Variants in MOB2 observed in about 807,000 individuals in gnomAD.
MOB2 encodes MOB2 Mps One Binder homolog.
A neutral mutation model predicts 27.4 loss-of-function variants in MOB2; 14 were observed. The observed-to-expected ratio is 0.51, with a 90% CI of 0.34 to 0.80. MOB2 has a LOEUF of 0.80. Ranked by LOEUF, MOB2 falls within the 30% of genes least tolerant of loss-of-function variation. The pLI, the probability that MOB2 is intolerant of heterozygous loss-of-function variation, is 0.01. For synonymous variants in MOB2, 167 were observed against 151.8 expected (o/e 1.10, Z -0.74); for missense variants, 304 against 354.6 (o/e 0.86, Z 1.15).
intron 1 of MOB2, among the ~76,000 whole-genome samples, chr11:1,484,537 C>G (rs540241569): frequency 6.6e-6 from 1 of 152,230 alleles, no homozygotes; most frequent in East Asian, 1.9e-4. Flanking sequence ...CCAGTAGCCA[C>G]CCGGTACAGA....
intron 2 of MOB2, 55 bp downstream of exon 2, chr11:1,480,670 G>T: frequency 6.3e-7 from 1 of 1,579,684 alleles, no homozygotes; most frequent in Non-Finnish European, 8.6e-7. Flanking sequence ...TTGAGGAGGG[G>T]CTTCGAGGAG....
chr11:1,481,134 C>A (rs554859684), intron 1 of MOB2: 3 of 633,000 alleles, frequency 4.7e-6, no homozygotes, highest in African/African-American at 3.6e-5. Flanking sequence ...ACTTGCCACA[C>A]GGGCCCCTGC....
rs1021667385 is a variant in MOB2 at position 1,486,749 on chromosome 11, C to A, written c.-193G>T. The A allele has an allele frequency of 3.5e-6, 2 of 574,942 alleles. No individual in the cohort carries two copies. Among genetic ancestry groups the A allele is most frequent in the Non-Finnish European group, 6.2e-6 (2 of 321,124 alleles). The allele number at this position is 574,942 out of a possible 1,614,324, so 35.6% of individuals were successfully genotyped here. A position where few individuals can be genotyped will look rare whatever the true frequency, so the allele number is the denominator to read the frequency against. ...TGAAACGAGGGAGCGTCTGAATTGG[C>A]CTTTTCCAAGTGGCATGGCTGCCAG... On this transcript the variant is annotated 5_prime_UTR_variant, in exon 1 of 5. Transcript: ENST00000329957.
chr11:1,486,634 G>C lies in MOB2; in HGVS notation c.-78C>G. On this transcript the variant is annotated 5_prime_UTR_variant, in exon 1 of 5. Coordinates refer to ENST00000329957, the MANE Select transcript of MOB2 (RefSeq NM_001172223.3). The stretch of plus-strand genomic sequence containing the variant: ...CAGCACTCGCAAATGCCTGCTGCCG[G>C]GCCCTCCAGCCTCACTCCCTGGCCA... 1 of 986,284 alleles carries C rather than the reference G, an allele frequency of 1.0e-6. No homozygotes were observed. The highest frequency in any genetic ancestry group is 1.5e-5 in the South Asian group (1 of 67,898). The allele number at this position is 986,284 out of a possible 1,614,324, so 61.1% of individuals were successfully genotyped here.
chr11:1,485,010 C>T (rs191349892), intron 1 of MOB2, among the ~76,000 whole-genome samples: 105 of 152,330 alleles, frequency 6.9e-4, no homozygotes, highest in African/African-American at 2.3e-3. Flanking sequence ...GCACAAGGAA[C>T]GCCCGCAGAC....
At position 1,470,247 on chromosome 11, in the gene MOB2, C is replaced by T; in HGVS notation, c.732G>A (p.Gly244=). 1 of 1,612,618 alleles carries T rather than the reference C, an allele frequency of 6.2e-7. No individual in the cohort carries two copies. The highest frequency in any genetic ancestry group is 8.5e-7 in the Non-Finnish European group (1 of 1,179,854). The change falls in exon 5 of 5, where the codon GGG becomes GGA. Residue 244 remains glycine (G), a synonymous_variant. Transcript: ENST00000329957. The part of the protein sequence containing the change: ...LTEVLCSGAG[G]VHSGGSGDGA... ...CATCCCCACTGCCCCCACTGTGGAC[C>T]CCGCCGGCCCCGCTGCATAGCACCT...
At position 1,469,974 on chromosome 11, in the gene MOB2, G is replaced by A. The variant is rs762951902; in HGVS notation, c.*198C>T. ...AAAGGCTCTTCTCTACAAACGGCAC[G>A]CATCCATCCGACAGGGGGCCACAGG... On this transcript the variant is annotated 3_prime_UTR_variant, in exon 5 of 5. Coordinates refer to ENST00000329957, the MANE Select transcript of MOB2 (RefSeq NM_001172223.3). 212 of 1,335,198 alleles carry A rather than the reference G, an allele frequency of 1.6e-4. No individual in the cohort carries two copies. The highest frequency in any genetic ancestry group is 2.1e-4 in the Non-Finnish European group (198 of 964,364). 82.7% of individuals were successfully genotyped at this position (1,335,198 alleles called of 1,614,324 possible).
intron 2 of MOB2, 103 bp downstream of exon 2, chr11:1,480,622 G>C: frequency 1.3e-6 from 2 of 1,528,058 alleles, no homozygotes; most frequent in South Asian, 1.2e-5. Flanking sequence ...CTCCCCTCGC[G>C]GCAGGGGGCT....
intron 4 of MOB2, 135 bp from the exon 5 acceptor site, chr11:1,470,623 C>A: frequency 3.9e-6 from 4 of 1,037,024 alleles, no homozygotes; most frequent in Non-Finnish European, 5.5e-6. Context: ...GCCTACAAAG[C>A]CCCAGCAGCA....
intron 1 of MOB2, among the ~76,000 whole-genome samples, chr11:1,482,528 T>G (rs1411302682): frequency 6.6e-6 from 1 of 152,178 alleles, no homozygotes; most frequent in African/African-American, 2.4e-5. Flanking sequence ...CACTGGCACC[T>G]CAGCCTCCCT....
rs1847974454 is a variant in MOB2, at chr11:1,486,734, G to A, written c.-178C>T. The stretch of plus-strand genomic sequence containing the variant: ...GCTGGCCAAGGCTGGTGAAACGAGG[G>A]AGCGTCTGAATTGGCCTTTTCCAAG... On this transcript the variant is annotated 5_prime_UTR_variant, in exon 1 of 5. Transcript: ENST00000329957. 1.0e-5 allele frequency: 6 copies of A among 588,766 alleles called. 1 individual carries two copies. In the South Asian group the frequency reaches 1.2e-4, roughly 12 times the overall value. The allele number at this position is 588,766 out of a possible 1,614,324, so 36.5% of individuals were successfully genotyped here.
intron 1 of MOB2, among the ~76,000 whole-genome samples, chr11:1,485,687 T>G (rs1000487310): frequency 6.6e-6 from 1 of 151,874 alleles, no homozygotes. Flanking sequence ...TGCAGCTGGC[T>G]GTGCCTGCCC....
intron 1 of MOB2, among the ~76,000 whole-genome samples, chr11:1,485,817 TGTGGGCAGGGAGGC>T (rs1847964116): frequency 6.6e-6 from 1 of 152,080 alleles, no homozygotes; most frequent in South Asian, 2.1e-4. Flanking sequence ...AGCTGAGTGG[TGTGGGCAGGGAGGC>T]ACCCCCGCAG....
intron 3 of MOB2, among the ~76,000 whole-genome samples, chr11:1,475,380 C>G (rs560185137): frequency 2.0e-5 from 3 of 152,292 alleles, no homozygotes; most frequent in South Asian, 4.1e-4. Flanking sequence ...TGCAAGACCC[C>G]CAGGGGATGC....
intron 1 of MOB2, among the ~76,000 whole-genome samples, chr11:1,485,404 C>T (rs16927384): frequency 0.032 from 4,933 of 152,328 alleles, 269 homozygotes; most frequent in African/African-American, 0.11. Flanking sequence ...CAAAACCTCA[C>T]AGTTTCACCT....
At chr11:1,484,413 G>T (rs575657446) in intron 1 of MOB2, among the ~76,000 whole-genome samples, 2 of 152,130 alleles carry the variant, frequency 1.3e-5, no homozygotes, top group Non-Finnish European at 2.9e-5. Flanking sequence ...CATCTGCACC[G>T]GGCCCCTCAT....
chr11:1,481,731 GGCAGGGGC>G (rs1847916849), intron 1 of MOB2: 1 of 101,944 alleles, frequency 9.8e-6, no homozygotes, highest in Admixed American at 9.0e-5. Context: ...CAGGGGCAGG[GGCAGGGGC>G]AGGGAGGGGC....
At chr11:1,471,563 TGCACACTGTCCCC>T (rs1170419980) in intron 3 of MOB2, 144 bp from the exon 4 acceptor site, 1 of 926,018 alleles carries the variant, frequency 1.1e-6, no homozygotes, top group Non-Finnish European at 1.6e-6. Flanking sequence ...TCCCTGGACA[TGCACACTGTCCCC>T]ACACACTGTC....
rs558267647 is a variant in MOB2, at chr11:1,478,206, G to A, written c.365+2187C>T. 5.3e-5 allele frequency among the ~76,000 whole-genome samples: 8 copies of A among 152,168 alleles called. No individual in the cohort carries two copies. In the South Asian group the frequency reaches 1.0e-3, roughly 20 times the overall value. On this transcript the variant is annotated intron_variant, in intron 3 of 4. Transcript: ENST00000329957. ...GCCCCACCGCCACCACAGGCCCCAC[G>A]GCCGCCCTGGAAATGGCACTGCACA...
Sources: gnomAD v4.1 joint callset for allele counts (sites outside exome capture counted in the v4.1 genomes callset) on GRCh38, gnomAD v4.1.1 for gene constraint, MANE v1.5 for transcripts, NCBI Gene and HGNC (gene_info 2026-07-23, HGNC 2026-07-21) for gene names.